BTBD9: variants seen among roughly 807,000 people sequenced by gnomAD.
BTBD9 encodes BTB/POZ domain-containing protein 9.
BTBD9 carries 49 observed loss-of-function variants against 64.3 expected under a neutral mutation model. The observed-to-expected ratio is 0.76, with a 90% CI of 0.61 to 0.97. BTBD9 has a LOEUF of 0.97. Ranked by LOEUF, BTBD9 falls within the 50% of genes least tolerant of loss-of-function variation. BTBD9 has a pLI of 0.00. For synonymous variants in BTBD9, 260 were observed against 274.7 expected (o/e 0.95, Z 0.53); for missense variants, 598 against 762.1 (o/e 0.78, Z 2.53).
intron 6 of BTBD9, among the ~76,000 whole-genome samples, chr6:38,397,445 AGCTTTGT>A (rs1468725144): frequency 6.6e-6 from 1 of 152,226 alleles, no homozygotes; most frequent in Non-Finnish European, 1.5e-5. Context: ...GATGACGCCC[AGCTTTGT>A]GGATGGGGCA....
At chr6:38,534,475 C>CCAAAAAA (rs371256719) in intron 6 of BTBD9, among the ~76,000 whole-genome samples, 3 of 94,932 alleles carry the variant, frequency 3.2e-5, no homozygotes, top group East Asian at 2.5e-4. Flanking sequence ...TCAAACTGTT[C>CCAAAAAA]AAAAAAAAAA....
At chr6:38,579,162 C>T (rs766322371) in intron 5 of BTBD9, among the ~76,000 whole-genome samples, 1 of 152,080 alleles carries the variant, frequency 6.6e-6, no homozygotes, top group Admixed American at 6.6e-5. Flanking sequence ...AAAAGATAAC[C>T]TGGGGATCTC....
chr6:38,190,035 C>T lies in BTBD9; in HGVS notation c.1641+2484G>A, dbSNP rs114932631. The stretch of plus-strand genomic sequence containing the variant: ...CTATGTTTCCCATGTTGGTCTTGAA[C>T]TCCTGGGCTCAAGCGAACCTGTGGC... On this transcript the variant is annotated intron_variant, in intron 10 of 10. Coordinates refer to ENST00000481247, the MANE Select transcript of BTBD9 (RefSeq NM_001099272.2). 5.2e-3 allele frequency among the ~76,000 whole-genome samples: 783 copies of T among 149,614 alleles called. 8 individuals are homozygous for T. Among genetic ancestry groups the T allele is most frequent in the African/African-American group, 0.018 (727 of 40,562 alleles).
chr6:38,224,203 ACT>A (rs1763309929), intron 9 of BTBD9, among the ~76,000 whole-genome samples: 1 of 151,672 alleles, frequency 6.6e-6, no homozygotes, highest in Non-Finnish European at 1.5e-5. Flanking sequence ...ACAGAGCAAG[ACT>A]CTGTCTCAAA....
intron 6 of BTBD9, among the ~76,000 whole-genome samples, chr6:38,446,467 G>A (rs1013599728): frequency 1.3e-5 from 2 of 152,092 alleles, no homozygotes; most frequent in Non-Finnish European, 2.9e-5. Context: ...TGGACTGTGA[G>A]GTAGCTGTTC....
At position 38,241,402 on chromosome 6, in the gene BTBD9, C is replaced by T. The variant is rs376504513; in HGVS notation, c.1562+15007G>A. Among the ~76,000 whole-genome samples the T allele has an allele frequency of 2.3e-4, 35 of 152,300 alleles. 1 individual carries two copies. In the East Asian group the frequency reaches 6.6e-3, roughly 29 times the overall value. On this transcript the variant is annotated intron_variant, in intron 9 of 10. Transcript: ENST00000481247. ...GGACAAATTTAATGTGCAACATTGC[C>T]TCAAGGTAGAAGGCCGAACAAGATG...
chr6:38,280,220 T>C (rs1761457794), intron 8 of BTBD9, among the ~76,000 whole-genome samples: 1 of 152,230 alleles, frequency 6.6e-6, no homozygotes, highest in Non-Finnish European at 1.5e-5. Flanking sequence ...TGGCCCTCTA[T>C]GCATTCACAC....
In BTBD9 at chr6:38,363,797, ACATATCACAATTCTCTCAGCATG is replaced by A. The variant is rs549902406; in HGVS notation, c.1155-18727_1155-18705del. ...ATTAAGAAAATGGTGAAATTAGGTT[ACATATCACAATTCTCTCAGCATG>A]ATTTTTCCTGTGGTATGAAAGCATC... On this transcript the variant is annotated intron_variant, in intron 6 of 10. Transcript: ENST00000481247. Among the ~76,000 whole-genome samples the A allele has an allele frequency of 5.3e-5, 8 of 152,356 alleles. No homozygotes were observed. The South Asian group carries it at 1.7e-3, about 32-fold the overall frequency.
At chr6:38,286,355 C>T (rs1472322627) in intron 8 of BTBD9, among the ~76,000 whole-genome samples, 6 of 152,202 alleles carry the variant, frequency 3.9e-5, no homozygotes, top group African/African-American at 1.4e-4. Flanking sequence ...AATATTAGTA[C>T]CTTATTTTTT....
intron 7 of BTBD9, among the ~76,000 whole-genome samples, chr6:38,335,232 T>G (rs1763846252): frequency 6.9e-6 from 1 of 144,288 alleles, no homozygotes; most frequent in Non-Finnish European, 1.5e-5. Context: ...CAAGTAGTTC[T>G]TTTATTTTAT....
At chr6:38,242,412 C>G (rs1017257689) in intron 9 of BTBD9, among the ~76,000 whole-genome samples, 16 of 152,178 alleles carry the variant, frequency 1.1e-4, no homozygotes, top group African/African-American at 3.9e-4. Context: ...ATCAGGAGAC[C>G]TGAGTTCTAA....
chr6:38,207,930 A>G (rs1762712838), intron 9 of BTBD9, among the ~76,000 whole-genome samples: 1 of 152,136 alleles, frequency 6.6e-6, no homozygotes, highest in Non-Finnish European at 1.5e-5. Flanking sequence ...TTTTGTTAAA[A>G]GTCTTGTGGT....
At position 38,179,905 on chromosome 6, in the gene BTBD9, CA is replaced by C. The variant is rs1387084041; in HGVS notation, c.1642-4724del. 6 of 443,960 alleles carry C rather than the reference CA, an allele frequency of 1.4e-5. No individual in the cohort carries two copies. The East Asian group carries it at 4.2e-4, about 31-fold the overall frequency. The allele number at this position is 443,960 out of a possible 1,614,324, so 27.5% of individuals were successfully genotyped here. A position where few individuals can be genotyped will look rare whatever the true frequency, so the allele number is the denominator to read the frequency against. On this transcript the variant is annotated intron_variant, in intron 10 of 10. Coordinates refer to ENST00000481247, the MANE Select transcript of BTBD9 (RefSeq NM_001099272.2). ...GGAGGCAGGGAGGGGAGCTGCTTTC[CA>C]GGCAAAGGGAACGAGGAGAAGATTT...
intron 6 of BTBD9, among the ~76,000 whole-genome samples, chr6:38,369,841 T>C (rs1444472313): frequency 6.6e-6 from 1 of 152,160 alleles, no homozygotes; most frequent in East Asian, 1.9e-4. Flanking sequence ...AGCTAGTTGG[T>C]TGGTGTTTCT....
intron 6 of BTBD9, among the ~76,000 whole-genome samples, chr6:38,480,088 G>GA (rs1015627321): frequency 8.5e-5 from 13 of 152,140 alleles, no homozygotes; most frequent in African/African-American, 3.1e-4. Flanking sequence ...AAATAGAAGG[G>GA]AAAAAAGCAA....
intron 6 of BTBD9, among the ~76,000 whole-genome samples, chr6:38,461,057 C>T (rs965099886): frequency 2.6e-5 from 4 of 152,246 alleles, no homozygotes; most frequent in Admixed American, 1.3e-4. Flanking sequence ...AGGCGTTTCA[C>T]GCTCACTCTG....
intron 6 of BTBD9, among the ~76,000 whole-genome samples, chr6:38,536,355 G>A (rs1049027764): frequency 1.3e-5 from 2 of 152,116 alleles, no homozygotes; most frequent in African/African-American, 4.8e-5. Flanking sequence ...GGAGAAAAGG[G>A]AACCCTCGTA....
At chr6:38,178,616 GAAGAGGCA>G (rs1381933967) in intron 10 of BTBD9, among the ~76,000 whole-genome samples, 1 of 152,080 alleles carries the variant, frequency 6.6e-6, no homozygotes. Context: ...AGTCTGGAAG[GAAGAGGCA>G]GCCAAGCTAG....
At chr6:38,596,673 CG>C (rs1480936880) in intron 2 of BTBD9, among the ~76,000 whole-genome samples, 2 of 151,932 alleles carry the variant, frequency 1.3e-5, no homozygotes, top group Admixed American at 1.3e-4. Flanking sequence ...TGGTGGCAGG[CG>C]CCCGTAGTCC....
Sources: allele counts gnomAD v4.1 joint callset (sites outside exome capture counted in the v4.1 genomes callset), GRCh38; gene constraint gnomAD v4.1.1; transcripts MANE v1.5; gene names NCBI Gene and HGNC (gene_info 2026-07-23, HGNC 2026-07-21).